Variants in DUOXA1 observed in about 807,000 individuals in gnomAD.
DUOXA1 encodes the protein dual oxidase maturation factor 1, also known as dual oxidase activator 1.
DUOXA1 carries 19 observed loss-of-function variants against 26.6 expected under a neutral mutation model. The observed-to-expected ratio is 0.71, with a 90% CI of 0.50 to 1.05. The LOEUF is 1.05. Among genes scored for constraint, DUOXA1 ranks in the 50% least tolerant of loss-of-function variants. The probability of loss-of-function intolerance (pLI) is 0.00; values close to 1 mark genes in which losing one functional copy is unlikely to be tolerated. For missense variants in DUOXA1, 403 were observed against 427.5 expected (o/e 0.94, Z 0.51); for synonymous variants, 166 against 177.0 (o/e 0.94, Z 0.49).
At chr15:45,128,058 G>A (rs2141228685) in intron 3 of DUOXA1, among the ~76,000 whole-genome samples, 1 of 152,244 alleles carries the variant, frequency 6.6e-6, no homozygotes, top group South Asian at 2.1e-4. Context: ...CTAGGGAGGA[G>A]GAGGCAGCAT....
intron 4 of DUOXA1, among the ~76,000 whole-genome samples, chr15:45,122,548 G>A (rs1895326398): frequency 8.0e-6 from 1 of 125,508 alleles, no homozygotes; most frequent in Non-Finnish European, 1.8e-5. Flanking sequence ...TGCACACCAT[G>A]ATGCCCAGCT....
chr15:45,117,829 G>A lies in DUOXA1; in HGVS notation c.*1277C>T, dbSNP rs1206279014. 1.2e-6 allele frequency: 2 copies of A among 1,613,736 alleles called. No homozygotes were observed. Among genetic ancestry groups the A allele is most frequent in the African/African-American group, 1.3e-5 (1 of 74,922 alleles). ...CAAGGACTGCAGCCAGGAGAGAGGG[G>A]GCTCACCTCTTATCCTCGGCGACCC... On this transcript the variant is annotated 3_prime_UTR_variant, in exon 9 of 9. Transcript: ENST00000560572.
chr15:45,122,960 G>A lies in DUOXA1; in HGVS notation c.55C>T (p.Pro19Ser). 3 of 1,613,530 alleles carry A rather than the reference G, an allele frequency of 1.9e-6. No homozygotes were observed. In the South Asian group the frequency reaches 3.3e-5, roughly 18 times the overall value. ...ATGCTGGCCAAAGTGGTGTCCATCG[G>A]GAAGGTTGGCTTGGGGCCAGCATAG... ...PFYAGPKPTF[P>S]MDTTLASIIM... is the part of the protein sequence containing the mutation. The change falls in exon 4 of 9, where the codon CCG (proline) becomes TCG (serine). Residue 19 changes from proline (P) to serine (S), a missense_variant. By Grantham distance (74) the Pro-to-Ser change is moderately conservative (BLOSUM62 -1). Transcript: ENST00000560572.
chr15:45,120,700 C>A lies in DUOXA1; in HGVS notation c.446G>T (p.Gly149Val), dbSNP rs547005852. 1.2e-6 allele frequency: 2 copies of A among 1,614,084 alleles called. No homozygotes were observed. Among genetic ancestry groups the A allele is most frequent in the South Asian group, 1.1e-5 (1 of 91,078 alleles). ...TAGGTACAACACAGGGTCTGGCAGCCCCTTCTCCAGAGCCTTTGCATACTC... is the reference window on the plus strand; with the variant it reads ...TAGGTACAACACAGGGTCTGGCAGCACCTTCTCCAGAGCCTTTGCATACTC... The part of the protein sequence containing the change: ...AEEYAKALEK[G>V]LPDPVLYLAE... Residue 149 changes from glycine (G) to valine (V), a missense_variant, in exon 7 of 9, where the codon GGG becomes GTG. Physicochemically the swap from Gly to Val is moderately radical, Grantham distance 109. Coordinates refer to ENST00000560572, the MANE Select transcript of DUOXA1 (RefSeq NM_001276266.2).
rs1427632988 is a variant in DUOXA1 at position 45,118,102 on chromosome 15, A to T, written c.*1004T>A. 6.7e-7 allele frequency: 1 copy of T among 1,498,286 alleles called. No individual in the cohort carries two copies. Among genetic ancestry groups the T allele is most frequent in the East Asian group, 2.3e-5 (1 of 43,198 alleles). The allele number at this position is 1,498,286 out of a possible 1,614,324, so 92.8% of individuals were successfully genotyped here. On this transcript the variant is annotated 3_prime_UTR_variant, in exon 9 of 9. Transcript: ENST00000560572. Reference sequence around the variant, plus strand: ...TAAACCTTTTTTTCTTTTGTTTTTTAAAAACTGTTTTTCCCATTAATTTTC... The same window carrying T: ...TAAACCTTTTTTTCTTTTGTTTTTTTAAAACTGTTTTTCCCATTAATTTTC...
intron 6 of DUOXA1, 50 bp downstream of exon 6, chr15:45,121,037 C>T (rs370117072): frequency 1.2e-6 from 2 of 1,611,270 alleles, no homozygotes; most frequent in Non-Finnish European, 8.5e-7. Context: ...ACATAGATCC[C>T]AAAGATGGCA....
intron 3 of DUOXA1, among the ~76,000 whole-genome samples, chr15:45,127,775 C>T (rs1895789767): frequency 2.0e-5 from 3 of 152,184 alleles, no homozygotes. Flanking sequence ...GAGAAAATCT[C>T]ATATCAATAT....
At position 45,119,248 on chromosome 15, in the gene DUOXA1, G is replaced by T; in HGVS notation, c.890C>A (p.Pro297His). 2 of 1,614,158 alleles carry T rather than the reference G, an allele frequency of 1.2e-6. No individual in the cohort carries two copies. Among genetic ancestry groups the T allele is most frequent in the Non-Finnish European group, 1.7e-6 (2 of 1,180,028 alleles). The change falls in exon 9 of 9, where the codon CCT becomes CAT. Residue 297 changes from proline to histidine, a missense_variant. Pro to His is a moderately conservative substitution (Grantham distance 77). Coordinates refer to ENST00000560572, the MANE Select transcript of DUOXA1 (RefSeq NM_001276266.2). Reference protein sequence around the residue: ...VDEDPMLEWSPEEGGLLSPRY... With the variant: ...VDEDPMLEWSHEEGGLLSPRY... ...GGGGCTCAGGAGTCCACCTTCCTCA[G>T]GACTCCACTCCAGCATGGGGTCTTC... is the stretch of plus-strand genomic sequence containing the variant.
chr15:45,121,371 G>T, intron 5 of DUOXA1, 150 bp from the exon 6 acceptor site: 2 of 1,153,364 alleles, frequency 1.7e-6, no homozygotes, highest in Non-Finnish European at 1.2e-6. Context: ...TGGTAAGTCT[G>T]CCAACCACAT....
intron 3 of DUOXA1, among the ~76,000 whole-genome samples, chr15:45,127,524 T>C (rs1895773784): frequency 6.6e-6 from 1 of 152,218 alleles, no homozygotes; most frequent in Non-Finnish European, 1.5e-5. Context: ...CTTGTTCCAT[T>C]TCATAACTTA....
chr15:45,120,477 TG>T lies in DUOXA1; in HGVS notation c.554+114del, dbSNP rs1595546580. The T allele has an allele frequency of 7.6e-6, 11 of 1,444,772 alleles. No individual in the cohort carries two copies. In the East Asian group the frequency reaches 2.5e-4, roughly 33 times the overall value. The allele number at this position is 1,444,772 out of a possible 1,614,324, so 89.5% of individuals were successfully genotyped here. ...CTTCCCAAGCCAGCACCATGGGGAC[TG>T]GTGCCAGGCCACCCCACCTGAGATA... On this transcript the variant is annotated intron_variant, in intron 7 of 8. Transcript: ENST00000560572.
rs1895970402 is a variant in DUOXA1, at chr15:45,129,324, C to G, written c.-147+136G>C. 6.5e-6 allele frequency: 1 copy of G among 152,746 alleles called. No individual in the cohort carries two copies. The highest frequency in any genetic ancestry group is 6.5e-5 in the Admixed American group (1 of 15,286). The allele number at this position is 152,746 out of a possible 1,614,324, so 9.5% of individuals were successfully genotyped here. A position where few individuals can be genotyped will look rare whatever the true frequency, so the allele number is the denominator to read the frequency against. ...TGCGGCGCCGCCTCCCTCTCCCGGC[C>G]TGGTACAGAGAAGGGCTGGGTGCGC... is the stretch of plus-strand genomic sequence containing the variant. On this transcript the variant is annotated intron_variant, in intron 2 of 8. Transcript: ENST00000560572. This position sits in a 1 kb window ranked among gnomAD's most constrained non-coding sequence, Gnocchi z 4.1.
chr15:45,119,589 A>G (rs1361164507), intron 8 of DUOXA1, among the ~76,000 whole-genome samples: 1 of 150,652 alleles, frequency 6.6e-6, no homozygotes, highest in Non-Finnish European at 1.5e-5. Flanking sequence ...ATATCCCGGG[A>G]GAGAGAGAGA....
In DUOXA1 at chr15:45,117,838, C is replaced by G. The variant is rs751492604; in HGVS notation, c.*1268G>C. On this transcript the variant is annotated 3_prime_UTR_variant, in exon 9 of 9. Coordinates refer to ENST00000560572, the MANE Select transcript of DUOXA1 (RefSeq NM_001276266.2). ...CAGCCAGGAGAGAGGGGGCTCACCTCTTATCCTCGGCGACCCACTGCACAA... is the reference window on the plus strand; with the variant it reads ...CAGCCAGGAGAGAGGGGGCTCACCTGTTATCCTCGGCGACCCACTGCACAA... 6.2e-7 allele frequency: 1 copy of G among 1,613,826 alleles called. No homozygotes were observed. Among genetic ancestry groups the G allele is most frequent in the Non-Finnish European group, 8.5e-7 (1 of 1,180,046 alleles).
Position 45,129,415 on chromosome 15 carries a change from G to GC in DUOXA1, c.-147+44dup, listed in dbSNP as rs965838282. The stretch of plus-strand genomic sequence containing the variant: ...CCTCCAATCCCCCCTCCTCCTCTGC[G>GC]CCCCCCCACCCATGCCCAGCAATCC... On this transcript the variant is annotated intron_variant, in intron 2 of 8. Coordinates refer to ENST00000560572, the MANE Select transcript of DUOXA1 (RefSeq NM_001276266.2). This position sits in a 1 kb window ranked among gnomAD's most constrained non-coding sequence, Gnocchi z 4.1. The GC allele has an allele frequency of 5.9e-4, 90 of 152,610 alleles. No individual in the cohort carries two copies. Among genetic ancestry groups the GC allele is most frequent in the Middle Eastern group, 3.4e-3 (1 of 296 alleles). 9.5% of individuals were successfully genotyped at this position (152,610 alleles called of 1,614,324 possible).
rs774002891 is a variant in DUOXA1 at position 45,122,230 on chromosome 15, G to T, written c.160C>A (p.Leu54Met). 1.9e-6 allele frequency: 3 copies of T among 1,604,680 alleles called. No individual in the cohort carries two copies. Among genetic ancestry groups the T allele is most frequent in the South Asian group, 2.2e-5 (2 of 88,984 alleles). ...AATAAGCTGGTCACCACCCGAAGCA[G>T]CCAGAACAGCCTCTGAGTCACAAGG... is the stretch of plus-strand genomic sequence containing the variant. ...GIRGKTRLFW[L>M]LRVVTSLFIG... is the part of the protein sequence containing the mutation. The change falls in exon 5 of 9, where the codon CTG (leucine) becomes ATG (methionine). Residue 54 changes from leucine (L) to methionine (M), a missense_variant. Coordinates refer to ENST00000560572, the MANE Select transcript of DUOXA1 (RefSeq NM_001276266.2).
Position 45,118,598 on chromosome 15 carries a change from G to A in DUOXA1, c.*508C>T. On this transcript the variant is annotated 3_prime_UTR_variant, in exon 9 of 9. Transcript: ENST00000560572. ...TTGGTTAATGTTAGACCTAGGATGA[G>A]AAGTTTGGTTTCCCCTCCTTTCCAG... 1.0e-6 allele frequency: 1 copy of A among 990,688 alleles called. No individual in the cohort carries two copies. The highest frequency in any genetic ancestry group is 5.2e-4 in the Middle Eastern group (1 of 1,924). The allele number at this position is 990,688 out of a possible 1,614,324, so 61.4% of individuals were successfully genotyped here.
At chr15:45,127,872 ACAGT>A (rs1425328861) in intron 3 of DUOXA1, among the ~76,000 whole-genome samples, 1 of 152,230 alleles carries the variant, frequency 6.6e-6, no homozygotes, top group East Asian at 1.9e-4. Flanking sequence ...GACACAAGAT[ACAGT>A]CAAATATGCA....
In DUOXA1 at chr15:45,118,915, T is replaced by C. The variant is rs531586228; in HGVS notation, c.*191A>G. ...ATGGACAGGCCCAGCATCTCTTCAG[T>C]CCCTTAGGGCTTTTTGTTTTGTTTT... On this transcript the variant is annotated 3_prime_UTR_variant, in exon 9 of 9. Transcript: ENST00000560572. 7.6e-7 allele frequency: 1 copy of C among 1,318,342 alleles called. No individual in the cohort carries two copies. Among genetic ancestry groups the C allele is most frequent in the East Asian group, 2.9e-5 (1 of 35,010 alleles). The allele number at this position is 1,318,342 out of a possible 1,614,324, so 81.7% of individuals were successfully genotyped here.
Sources: allele counts gnomAD v4.1 joint callset (sites outside exome capture counted in the v4.1 genomes callset), GRCh38; gene constraint gnomAD v4.1.1; non-coding constraint Gnocchi (gnomAD v3.1); transcripts MANE v1.5; gene names NCBI Gene and HGNC (gene_info 2026-07-23, HGNC 2026-07-21).